Variants in DOCK11 observed in about 807,000 individuals in gnomAD.
The protein encoded by DOCK11 is dedicator of cytokinesis protein 11.
A neutral mutation model predicts 169.1 loss-of-function variants in DOCK11; 70 were observed. That is an observed-to-expected ratio of 0.41 (90% CI 0.34 to 0.51). The LOEUF (loss-of-function observed/expected upper bound fraction) is 0.51, where lower values mean the gene tolerates loss of function less well. DOCK11 is among the 20% of genes least tolerant of loss of function. The pLI is 0.10. For missense variants in DOCK11, 1,166 were observed against 1,538.8 expected, an observed-to-expected ratio of 0.76 and a Z score of 4.05; for synonymous variants, 529 against 541.3, an observed-to-expected ratio of 0.98 and a Z score of 0.32.
Position 118,584,653 on chromosome X carries a change from C to T in DOCK11, c.1596-82C>T, listed in dbSNP as rs141124081. On this transcript the variant is annotated intron_variant, in intron 14 of 52. Transcript: ENST00000276202. The stretch of plus-strand genomic sequence containing the variant: ...TTTCCAAAGTGGTTTCACCATTTTA[C>T]ATCCCGACCATTGCTAATTTTATCT... 2.9e-3 allele frequency: 2,688 copies of T among 937,199 alleles called. 3 individuals are homozygous for T. The highest frequency in any genetic ancestry group is 3.4e-3 in the Non-Finnish European group (2,414 of 710,022). The allele number at this position is 937,199 out of a possible 1,213,427, so 77.2% of individuals were successfully genotyped here. A position where few individuals can be genotyped will look rare whatever the true frequency, so the allele number is the denominator to read the frequency against.
chrX:118,564,307 C>T (rs1227649235), intron 7 of DOCK11, among the ~76,000 whole-genome samples: 1 of 112,768 alleles, frequency 8.9e-6, no homozygotes, highest in Non-Finnish European at 1.9e-5. Context: ...TTAATTTCAT[C>T]CTTTCGTAGA....
chrX:118,623,817 A>G (rs767186681), intron 31 of DOCK11, among the ~76,000 whole-genome samples: 15 of 112,958 alleles, frequency 1.3e-4, no homozygotes, highest in African/African-American at 4.8e-4. Context: ...TGAAAGATAG[A>G]GGGCAATGCT....
intron 11 of DOCK11, among the ~76,000 whole-genome samples, chrX:118,573,043 A>G (rs1338157335): frequency 8.9e-6 from 1 of 112,645 alleles, no homozygotes; most frequent in African/African-American, 3.2e-5. Flanking sequence ...GTCTACAGAG[A>G]AAATTCTAAG....
chrX:118,673,748 T>G (rs1441042404), intron 46 of DOCK11, among the ~76,000 whole-genome samples: 1 of 111,370 alleles, frequency 9.0e-6, no homozygotes, highest in Non-Finnish European at 1.9e-5. Flanking sequence ...CACCTCTTTC[T>G]AGTTTTAAAA....
At chrX:118,496,334 A>AGGAGGC (rs1263392547) in intron 1 of DOCK11, among the ~76,000 whole-genome samples, 12 of 111,894 alleles carry the variant, frequency 1.1e-4, no homozygotes, top group South Asian at 3.7e-4. Context: ...ACGGCTGCGG[A>AGGAGGC]GGAGGCGGAG....
At chrX:118,560,845 GACA>G (rs2012884002) in intron 6 of DOCK11, among the ~76,000 whole-genome samples, 2 of 111,571 alleles carry the variant, frequency 1.8e-5, no homozygotes, top group Non-Finnish European at 3.8e-5. Context: ...TGGGGCACTC[GACA>G]ACAACTGGCA....
At chrX:118,675,162 T>C (rs746836176) in intron 46 of DOCK11, among the ~76,000 whole-genome samples, 23 of 112,632 alleles carry the variant, frequency 2.0e-4, no homozygotes, top group South Asian at 1.4e-3. Flanking sequence ...CACAACGTGC[T>C]CTCTTTTTCT....
chrX:118,676,674 T>C lies in DOCK11; in HGVS notation c.5397T>C (p.Leu1799=), dbSNP rs1164992804. 2 of 1,205,084 alleles carry C rather than the reference T, an allele frequency of 1.7e-6. No homozygotes were observed. Among genetic ancestry groups the C allele is most frequent in the East Asian group, 3.0e-5 (1 of 33,722 alleles). Reference sequence around the variant, plus strand: ...GCCTCTCAGAAATTTCCTTGAGACTTGTTAAACTTTATGGTGAAAAGTTTG... The same window carrying C: ...GCCTCTCAGAAATTTCCTTGAGACTCGTTAAACTTTATGGTGAAAAGTTTG... ...LTGLSEISLR[L]VKLYGEKFGT... Residue 1799 remains leucine, a synonymous_variant, in exon 48 of 53, where the codon CTT becomes CTC. Transcript: ENST00000276202.
At chrX:118,677,192 G>T (rs899235022) in intron 48 of DOCK11, among the ~76,000 whole-genome samples, 4 of 111,908 alleles carry the variant, frequency 3.6e-5, no homozygotes, top group African/African-American at 1.3e-4. Flanking sequence ...TCACCTTGGG[G>T]CACACATTTT....
At chrX:118,626,913 AAGG>A (rs2015119134) in intron 32 of DOCK11, among the ~76,000 whole-genome samples, 1 of 112,305 alleles carries the variant, frequency 8.9e-6, no homozygotes, top group African/African-American at 3.2e-5. Context: ...CCCTGGTTCT[AAGG>A]AGGAGAACTG....
chrX:118,496,268 C>T lies in DOCK11; in HGVS notation c.102+195C>T, dbSNP rs1398491435. Among the ~76,000 whole-genome samples, 4 of 107,338 alleles carry T rather than the reference C, an allele frequency of 3.7e-5. No homozygotes were observed. In the East Asian group the frequency reaches 1.2e-3, roughly 32 times the overall value. 93.2% of individuals were successfully genotyped at this position (107,338 alleles called of 115,157 possible). A position where few individuals can be genotyped will look rare whatever the true frequency, so the allele number is the denominator to read the frequency against. ...GCCGGCTGACAGCTCTCCGGCCGCC[C>T]GGCACGGCGGAGGCGTGCGCCGGGA... On this transcript the variant is annotated intron_variant, in intron 1 of 52. Coordinates refer to ENST00000276202, the MANE Select transcript of DOCK11 (RefSeq NM_144658.4).
chrX:118,604,757 G>A (rs887193331), intron 23 of DOCK11, among the ~76,000 whole-genome samples: 7 of 110,797 alleles, frequency 6.3e-5, no homozygotes, highest in Admixed American at 1.9e-4. Context: ...AAGTGCTTCC[G>A]TTTTGTAGTG....
intron 1 of DOCK11, among the ~76,000 whole-genome samples, chrX:118,518,426 G>T (rs1339315431): frequency 9.0e-6 from 1 of 111,331 alleles, no homozygotes; most frequent in East Asian, 2.8e-4. Context: ...AAAATGATTT[G>T]TTACGTTTGG....
chrX:118,586,497 C>T (rs1225017197), intron 16 of DOCK11, among the ~76,000 whole-genome samples: 1 of 111,302 alleles, frequency 9.0e-6, no homozygotes, highest in Admixed American at 9.6e-5. Context: ...GGGGAAACCG[C>T]CCCATGATAC....
intron 29 of DOCK11, 96 bp from the exon 30 acceptor site, chrX:118,615,504 A>C: frequency 1.5e-6 from 1 of 664,323 alleles, no homozygotes; most frequent in Non-Finnish European, 2.3e-6. Context: ...TAGAATACTA[A>C]GCACTTCCGT....
In DOCK11 at chrX:118,572,477, T is replaced by G; in HGVS notation, c.1176+14T>G. The G allele has an allele frequency of 8.5e-7, 1 of 1,182,652 alleles. No homozygotes were observed. Among genetic ancestry groups the G allele is most frequent in the Non-Finnish European group, 1.1e-6 (1 of 876,946 alleles). On this transcript the variant is annotated intron_variant, in intron 11 of 52. Coordinates refer to ENST00000276202, the MANE Select transcript of DOCK11 (RefSeq NM_144658.4). ...CCACCCACAAATGTATGTATGACTT[T>G]GCCTTCTACCCCCCTTGCATCAGTG...
intron 52 of DOCK11, among the ~76,000 whole-genome samples, chrX:118,684,682 T>G (rs148818784): frequency 0.011 from 1,204 of 111,854 alleles, 19 homozygotes; most frequent in African/African-American, 0.037. Flanking sequence ...GTTTTGTAAT[T>G]TCTTAGCAAT....
In DOCK11 at chrX:118,683,160, G is replaced by A. The variant is rs761929230; in HGVS notation, c.6045G>A (p.Gly2015=). The change falls in exon 52 of 53, where the codon GGG becomes GGA. Residue 2015 remains glycine (G), a synonymous_variant. Transcript: ENST00000276202. ...AAGATCAAGTTGAGTACCATGAAGGGCTAAAGTCAAATTTCAGAGACATGG... is the reference window on the plus strand; with the variant it reads ...AAGATCAAGTTGAGTACCATGAAGGACTAAAGTCAAATTTCAGAGACATGG... ...IKEDQVEYHE[G]LKSNFRDMVK... The A allele has an allele frequency of 1.7e-6, 2 of 1,210,435 alleles. No individual in the cohort carries two copies. The highest frequency in any genetic ancestry group is 1.8e-5 in the South Asian group (1 of 56,817).
intron 16 of DOCK11, among the ~76,000 whole-genome samples, chrX:118,585,562 A>G (rs2013790233): frequency 9.5e-6 from 1 of 105,026 alleles, no homozygotes; most frequent in South Asian, 4.6e-4. Flanking sequence ...TTCTAAATAA[A>G]GTCACATTCT....
Sources: gnomAD v4.1 joint callset for allele counts (sites outside exome capture counted in the v4.1 genomes callset) on GRCh38, gnomAD v4.1.1 for gene constraint, MANE v1.5 for transcripts, NCBI Gene and HGNC (gene_info 2026-07-23, HGNC 2026-07-21) for gene names.